The following RBFOX1 variants were observed in gnomAD, a reference collection of about 807,000 sequenced individuals.
The protein encoded by RBFOX1 is RNA binding protein fox-1 homolog 1.
Under a neutral mutation model 57.7 loss-of-function variants are expected in RBFOX1, and 8 were observed. That is an observed-to-expected ratio of 0.14 (90% CI 0.08 to 0.25). The LOEUF (loss-of-function observed/expected upper bound fraction) is 0.25. Among genes scored for constraint, RBFOX1 ranks in the 10% least tolerant of loss-of-function variants. RBFOX1 has a pLI of 1.00. For synonymous variants in RBFOX1, 326 were observed against 222.4 expected, an observed-to-expected ratio of 1.47 and a Z score of -4.15; for missense variants, 611 against 548.5, an observed-to-expected ratio of 1.11 and a Z score of -1.14.
intron 2 of RBFOX1, among the ~76,000 whole-genome samples, chr16:6,370,718 G>A (rs2090314072): frequency 6.6e-6 from 1 of 152,176 alleles, no homozygotes; most frequent in Non-Finnish European, 1.5e-5. Flanking sequence ...AACGGGTATA[G>A]AATTTCAGTT....
chr16:5,443,377 A>G (rs938788659), intron 1 of RBFOX1, among the ~76,000 whole-genome samples: 1 of 152,042 alleles, frequency 6.6e-6, no homozygotes, highest in Non-Finnish European at 1.5e-5. Flanking sequence ...TCACTCTGTT[A>G]CCCAGGCTGG....
chr16:5,962,866 G>A (rs905753219), intron 4 of RBFOX1, among the ~76,000 whole-genome samples: 3 of 145,340 alleles, frequency 2.1e-5, no homozygotes, highest in Non-Finnish European at 4.5e-5. Flanking sequence ...TGAGTATGTC[G>A]CCTTGAGAGA....
Position 7,463,798 on chromosome 16 carries a change from A to C in RBFOX1, c.28-54349A>C, listed in dbSNP as rs73500310. Among the ~76,000 whole-genome samples the C allele has an allele frequency of 8.2e-3, 1,252 of 152,298 alleles. 13 individuals carry two copies. Among genetic ancestry groups the C allele is most frequent in the African/African-American group, 0.028 (1,156 of 41,550 alleles). Reference sequence around the variant, plus strand: ...AGCAGACATTGCTCTGATAACGACAACAGCTGCTATTTTTTAAATGTCACT... The same window carrying C: ...AGCAGACATTGCTCTGATAACGACACCAGCTGCTATTTTTTAAATGTCACT... On this transcript the variant is annotated intron_variant, in intron 4 of 15. Transcript: ENST00000550418.
intron 4 of RBFOX1, among the ~76,000 whole-genome samples, chr16:5,976,066 C>T (rs913283495): frequency 1.3e-5 from 2 of 152,086 alleles, no homozygotes; most frequent in African/African-American, 4.8e-5. Context: ...ATTGCTTGAA[C>T]CTGGGAGGCG....
chr16:5,373,830 C>T (rs994694116), intron 1 of RBFOX1, among the ~76,000 whole-genome samples: 2 of 152,220 alleles, frequency 1.3e-5, no homozygotes, highest in African/African-American at 4.8e-5. Context: ...TCTCGAACTC[C>T]TGACCTCAAG....
chr16:5,659,453 G>A lies in RBFOX1; in HGVS notation c.318+60492G>A, dbSNP rs532483205. ...TGAGTAGCTGGGACTACAGGTGCCC[G>A]CCACCATGCCCAGCTAATTTTTTGT... On this transcript the variant is annotated intron_variant, in intron 3 of 19. Coordinates refer to the RBFOX1 transcript ENST00000641259. Among the ~76,000 whole-genome samples the A allele has an allele frequency of 1.3e-4, 19 of 151,936 alleles. No individual in the cohort carries two copies. The East Asian group carries it at 3.1e-3, about 25-fold the overall frequency.
chr16:6,916,332 A>T (rs1000123189), intron 3 of RBFOX1, among the ~76,000 whole-genome samples: 4 of 151,880 alleles, frequency 2.6e-5, no homozygotes, highest in African/African-American at 9.7e-5. Flanking sequence ...GGTTGTTTTT[A>T]CCTTTTTGCT....
At chr16:7,149,556 G>C (rs1410340426) in intron 4 of RBFOX1, among the ~76,000 whole-genome samples, 5 of 143,212 alleles carry the variant, frequency 3.5e-5, no homozygotes, top group African/African-American at 1.3e-4. Context: ...TGCAATCTCA[G>C]CTCAGTGCAA....
intron 2 of RBFOX1, among the ~76,000 whole-genome samples, chr16:6,509,904 C>G (rs2153773864): frequency 6.6e-6 from 1 of 152,222 alleles, no homozygotes; most frequent in South Asian, 2.1e-4. Context: ...GTAAAATAAA[C>G]TATATCCCTG....
At chr16:7,223,572 C>T (rs1420869130) in intron 4 of RBFOX1, among the ~76,000 whole-genome samples, 1 of 152,124 alleles carries the variant, frequency 6.6e-6, no homozygotes, top group Non-Finnish European at 1.5e-5. Context: ...AGTAATTGTG[C>T]AGGAGATCCA....
intron 3 of RBFOX1, among the ~76,000 whole-genome samples, chr16:6,929,541 G>C (rs999784798): frequency 6.6e-6 from 1 of 152,108 alleles, no homozygotes; most frequent in Admixed American, 6.5e-5. Context: ...TAAAAATCCA[G>C]TTATGACTGT....
intron 1 of RBFOX1, among the ~76,000 whole-genome samples, chr16:5,452,769 G>A (rs1438271780): frequency 1.3e-5 from 2 of 151,676 alleles, no homozygotes; most frequent in African/African-American, 2.4e-5. Flanking sequence ...TCAGCCTCCT[G>A]AATAGCTTGG....
chr16:7,703,805 T>G (rs1568569950), intron 14 of RBFOX1, among the ~76,000 whole-genome samples: 1 of 152,208 alleles, frequency 6.6e-6, no homozygotes, highest in South Asian at 2.1e-4. Context: ...GTATATCCAT[T>G]TGAACTACAT....
chr16:6,613,643 A>G (rs17140778), intron 2 of RBFOX1, among the ~76,000 whole-genome samples: 3,480 of 152,326 alleles, frequency 0.023, 242 homozygotes, highest in East Asian at 0.22. Flanking sequence ...AGAATAAGCA[A>G]CTTGTAGAGT....
intron 1 of RBFOX1, among the ~76,000 whole-genome samples, chr16:6,110,211 T>TA (rs1555510398): frequency 6.8e-6 from 1 of 147,998 alleles, no homozygotes; most frequent in Non-Finnish European, 1.5e-5. Flanking sequence ...TTTTTTTTTT[T>TA]AGTTCATTAT....
intron 3 of RBFOX1, among the ~76,000 whole-genome samples, chr16:6,742,754 C>G (rs2072579838): frequency 1.3e-5 from 2 of 152,016 alleles, no homozygotes; most frequent in Admixed American, 6.6e-5. Context: ...ATAGACTATA[C>G]AATGTCATTT....
chr16:6,745,139 G>A (rs1366473350), intron 3 of RBFOX1, among the ~76,000 whole-genome samples: 1 of 152,026 alleles, frequency 6.6e-6, no homozygotes, highest in African/African-American at 2.4e-5. Context: ...AGAAGAAATA[G>A]ATCATCTGAA....
intron 2 of RBFOX1, among the ~76,000 whole-genome samples, chr16:6,365,535 G>C (rs1327547459): frequency 6.6e-6 from 1 of 152,178 alleles, no homozygotes; most frequent in Non-Finnish European, 1.5e-5. Flanking sequence ...TTCTTAATAG[G>C]TACATCTTAT....
chr16:7,352,621 C>CTAGAAAGA (rs2097148544), intron 4 of RBFOX1, among the ~76,000 whole-genome samples: 1 of 152,128 alleles, frequency 6.6e-6, no homozygotes, highest in Non-Finnish European at 1.5e-5. Flanking sequence ...CTATATTTCC[C>CTAGAAAGA]ATGTAGTTCT....
Sources: allele counts gnomAD v4.1 joint callset (sites outside exome capture counted in the v4.1 genomes callset), GRCh38; gene constraint gnomAD v4.1.1; transcripts MANE v1.5; gene names NCBI Gene and HGNC (gene_info 2026-07-23, HGNC 2026-07-21).